The following TMEM178B variants were observed in gnomAD, a reference collection of about 807,000 sequenced individuals.
The protein encoded by TMEM178B is transmembrane protein 178B.
In TMEM178B, 5 loss-of-function variants were observed where a neutral mutation model predicts 31.0. That is an observed-to-expected ratio of 0.16 (90% CI 0.08 to 0.34). TMEM178B has a LOEUF of 0.34. Ranked by LOEUF, TMEM178B falls within the 10% of genes least tolerant of loss-of-function variation. The pLI is 1.00. For synonymous variants in TMEM178B, 164 were observed against 164.0 expected (o/e 1.00, Z 0.00); for missense variants, 275 against 400.3 (o/e 0.69, Z 2.67).
Position 141,478,548 on chromosome 7 carries a change from G to A in TMEM178B, c.*7762G>A, listed in dbSNP as rs1802414988. ...ATATGCAATTTAAAATATTCTAGTAGCCACATTTTTTAAAGTCCAAAGAAA... is the reference window on the plus strand; with the variant it reads ...ATATGCAATTTAAAATATTCTAGTAACCACATTTTTTAAAGTCCAAAGAAA... On this transcript the variant is annotated 3_prime_UTR_variant, in exon 4 of 4. Coordinates refer to ENST00000565468, the MANE Select transcript of TMEM178B (RefSeq NM_001195278.2). 1 of 152,092 alleles carries A rather than the reference G, an allele frequency of 6.6e-6. No homozygotes were observed. 9.4% of individuals were successfully genotyped at this position (152,092 alleles called of 1,614,324 possible).
intron 2 of TMEM178B, among the ~76,000 whole-genome samples, chr7:141,367,522 G>A (rs1800030744): frequency 6.6e-6 from 1 of 152,144 alleles, no homozygotes; most frequent in Admixed American, 6.5e-5. Flanking sequence ...TGATCTGCCT[G>A]CCTTGGCCTC....
rs374895034 is a variant in TMEM178B, at chr7:141,268,933, C to T, written c.496+56229C>T. ...TTAACAAAGCTTTAGCAGAAAATGC[C>T]GTGGTGGAGAGAGTCCTCTACCACG... On this transcript the variant is annotated intron_variant, in intron 2 of 3. Coordinates refer to ENST00000565468, the MANE Select transcript of TMEM178B (RefSeq NM_001195278.2). Among the ~76,000 whole-genome samples, 66 of 152,190 alleles carry T rather than the reference C, an allele frequency of 4.3e-4. No individual in the cohort carries two copies. The South Asian group carries it at 0.011, about 24-fold the overall frequency.
intron 2 of TMEM178B, among the ~76,000 whole-genome samples, chr7:141,219,017 G>A (rs1020045078): frequency 2.0e-5 from 3 of 152,220 alleles, no homozygotes; most frequent in Non-Finnish European, 4.4e-5. Flanking sequence ...GAAGATGAAT[G>A]CTGTGGACCA....
chr7:141,250,688 C>T (rs951692045), intron 2 of TMEM178B, among the ~76,000 whole-genome samples: 3 of 152,176 alleles, frequency 2.0e-5, no homozygotes, highest in African/African-American at 7.2e-5. Context: ...GAGGCTCCTG[C>T]TGAGCACCTG....
At chr7:141,462,628 C>T (rs1802079156) in intron 3 of TMEM178B, among the ~76,000 whole-genome samples, 1 of 151,928 alleles carries the variant, frequency 6.6e-6, no homozygotes, top group African/African-American at 2.4e-5. Flanking sequence ...CTAAAATTAG[C>T]AAGAAAACTA....
At chr7:141,394,358 T>C (rs946659158) in intron 2 of TMEM178B, among the ~76,000 whole-genome samples, 4 of 152,228 alleles carry the variant, frequency 2.6e-5, no homozygotes, top group Admixed American at 6.5e-5. Flanking sequence ...ATCCTTGGTA[T>C]GTGAACCTAA....
intron 2 of TMEM178B, among the ~76,000 whole-genome samples, chr7:141,294,036 G>T (rs1586875625): frequency 6.6e-6 from 1 of 152,224 alleles, no homozygotes; most frequent in South Asian, 2.1e-4. Context: ...ATGGTGGGAA[G>T]AGCAGAGAAT....
chr7:141,117,931 G>T (rs549738102), intron 1 of TMEM178B, among the ~76,000 whole-genome samples: 1 of 152,038 alleles, frequency 6.6e-6, no homozygotes, highest in Non-Finnish European at 1.5e-5. Context: ...TATTGTTTGA[G>T]GTCAGGTAGC....
chr7:141,176,952 A>G lies in TMEM178B; in HGVS notation c.383-35639A>G, dbSNP rs532551405. 3.3e-5 allele frequency among the ~76,000 whole-genome samples: 5 copies of G among 151,742 alleles called. No homozygotes were observed. The East Asian group carries it at 9.7e-4, about 29-fold the overall frequency. ...GGTTTTTTGTGTCTCTGTCTCCTTCAGTTCTGTTCTGATCTTAGTTATTTC... is the reference window on the plus strand; with the variant it reads ...GGTTTTTTGTGTCTCTGTCTCCTTCGGTTCTGTTCTGATCTTAGTTATTTC... On this transcript the variant is annotated intron_variant, in intron 1 of 3. Transcript: ENST00000565468.
At chr7:141,106,805 C>T (rs1225668782) in intron 1 of TMEM178B, among the ~76,000 whole-genome samples, 1 of 152,230 alleles carries the variant, frequency 6.6e-6, no homozygotes, top group Non-Finnish European at 1.5e-5. Context: ...TCACTTAACA[C>T]ATATTTCATA....
At chr7:141,311,067 A>G (rs1290841712) in intron 2 of TMEM178B, among the ~76,000 whole-genome samples, 1 of 152,232 alleles carries the variant, frequency 6.6e-6, no homozygotes, top group African/African-American at 2.4e-5. Context: ...CAAACACTGC[A>G]TGTTCTCACT....
chr7:141,499,544 T>C, the TMEM178B span, among the ~76,000 whole-genome samples: 1 of 143,464 alleles, frequency 7.0e-6, no homozygotes, highest in Non-Finnish European at 1.5e-5. Flanking sequence ...GAGGCTGAGG[T>C]GGGAGGATTG....
In TMEM178B at chr7:141,475,058, T is replaced by G. The variant is rs1392955113; in HGVS notation, c.*4272T>G. 1 of 152,248 alleles carries G rather than the reference T, an allele frequency of 6.6e-6. No individual in the cohort carries two copies. The highest frequency in any genetic ancestry group is 1.9e-4 in the East Asian group (1 of 5,192). The allele number at this position is 152,248 out of a possible 1,614,324, so 9.4% of individuals were successfully genotyped here. A position where few individuals can be genotyped will look rare whatever the true frequency, so the allele number is the denominator to read the frequency against. Reference sequence around the variant, plus strand: ...AAAATGTTCCCTGTCTTCAGGGGACTTACCCATCCCAGGGGACACATCCAT... The same window carrying G: ...AAAATGTTCCCTGTCTTCAGGGGACGTACCCATCCCAGGGGACACATCCAT... On this transcript the variant is annotated 3_prime_UTR_variant, in exon 4 of 4. Transcript: ENST00000565468.
intron 2 of TMEM178B, among the ~76,000 whole-genome samples, chr7:141,247,203 C>A (rs1456456471): frequency 9.7e-6 from 1 of 102,944 alleles, no homozygotes; most frequent in Non-Finnish European, 1.8e-5. Context: ...AGGTTTCTCT[C>A]TACACACACA....
chr7:141,504,869 A>C, the TMEM178B span, among the ~76,000 whole-genome samples: 1 of 152,236 alleles, frequency 6.6e-6, no homozygotes, highest in Non-Finnish European at 1.5e-5. Context: ...AGTGCTTAAC[A>C]AAATGCAGAT....
At chr7:141,466,925 C>A (rs1802156330) in intron 3 of TMEM178B, among the ~76,000 whole-genome samples, 1 of 152,188 alleles carries the variant, frequency 6.6e-6, no homozygotes, top group African/African-American at 2.4e-5. Context: ...CTGCTGGAAT[C>A]TGGTTTATTT....
At chr7:141,415,384 A>G (rs1244209423) in intron 2 of TMEM178B, 1 of 152,870 alleles carries the variant, frequency 6.5e-6, no homozygotes, top group East Asian at 1.9e-4. Flanking sequence ...ACAGCATTTC[A>G]TGTAAACTAT....
At chr7:141,112,623 C>T (rs1379336146) in intron 1 of TMEM178B, among the ~76,000 whole-genome samples, 1 of 152,206 alleles carries the variant, frequency 6.6e-6, no homozygotes, top group Non-Finnish European at 1.5e-5. Flanking sequence ...TCAGTAATTT[C>T]TTCTCTTCCT....
In TMEM178B at chr7:141,479,932, T is replaced by C. The variant is rs1197501070; in HGVS notation, c.*9146T>C. The stretch of plus-strand genomic sequence containing the variant: ...AAATAAGATAAAATATTATGTTAAT[T>C]TGTTCTGATATGATGTGAATAAATG... On this transcript the variant is annotated 3_prime_UTR_variant, in exon 4 of 4. Coordinates refer to ENST00000565468, the MANE Select transcript of TMEM178B (RefSeq NM_001195278.2). 6.6e-6 allele frequency: 1 copy of C among 152,250 alleles called. No homozygotes were observed. Among genetic ancestry groups the C allele is most frequent in the Non-Finnish European group, 1.5e-5 (1 of 68,042 alleles). The allele number at this position is 152,250 out of a possible 1,614,324, so 9.4% of individuals were successfully genotyped here. A position where few individuals can be genotyped will look rare whatever the true frequency, so the allele number is the denominator to read the frequency against.
Sources: gnomAD v4.1 joint callset for allele counts (sites outside exome capture counted in the v4.1 genomes callset) on GRCh38, gnomAD v4.1.1 for gene constraint, MANE v1.5 for transcripts, NCBI Gene and HGNC (gene_info 2026-07-23, HGNC 2026-07-21) for gene names.